SLC4A10: variants seen among roughly 807,000 people sequenced by gnomAD.
SLC4A10 encodes the protein solute carrier family 4 member 10, also known as sodium-driven chloride bicarbonate exchanger.
In SLC4A10, 42 loss-of-function variants were observed where a neutral mutation model predicts 137.7. The ratio of observed to expected loss-of-function variants is 0.30; its 90% CI spans 0.24 to 0.39. The LOEUF is 0.39. SLC4A10 is among the 10% of genes least tolerant of loss of function. The pLI, the probability that SLC4A10 is intolerant of heterozygous loss-of-function variation, is 1.00. For synonymous variants in SLC4A10, 474 were observed against 464.1 expected (o/e 1.02, Z -0.27); for missense variants, 925 against 1,355.0 (o/e 0.68, Z 4.98).
intron 3 of SLC4A10, among the ~76,000 whole-genome samples, chr2:161,832,631 T>C (rs565982416): frequency 3.3e-5 from 5 of 152,340 alleles, no homozygotes; most frequent in African/African-American, 1.2e-4. Flanking sequence ...AGTCTGGCAG[T>C]AGTCTCAGGT....
intron 1 of SLC4A10, among the ~76,000 whole-genome samples, chr2:161,709,130 A>T (rs2044013915): frequency 6.6e-6 from 1 of 151,318 alleles, no homozygotes; most frequent in Admixed American, 6.6e-5. Flanking sequence ...GGCACTTCAG[A>T]TTTTTCCAGA....
At chr2:161,627,258 C>T (rs889877211) in intron 1 of SLC4A10, among the ~76,000 whole-genome samples, 5 of 152,102 alleles carry the variant, frequency 3.3e-5, no homozygotes, top group Middle Eastern at 3.4e-3. Flanking sequence ...CTTGTCAGTA[C>T]TTTCTACCAA....
intron 21 of SLC4A10, among the ~76,000 whole-genome samples, chr2:161,963,101 A>T (rs1295326424): frequency 1.3e-5 from 2 of 152,136 alleles, no homozygotes; most frequent in Non-Finnish European, 2.9e-5. Context: ...TGGCCGAAGA[A>T]CAATAAACCA....
chr2:161,872,555 T>C (rs1003624059), intron 7 of SLC4A10, among the ~76,000 whole-genome samples, 171 bp downstream of exon 7: 13 of 21,184 alleles, frequency 6.1e-4, no homozygotes, highest in Admixed American at 4.7e-3. Context: ...ATTTTGCCTA[T>C]TCAAAAAAAA....
At chr2:161,864,662 A>G (rs1163645301) in intron 6 of SLC4A10, among the ~76,000 whole-genome samples, 5 of 152,180 alleles carry the variant, frequency 3.3e-5, no homozygotes, top group Non-Finnish European at 5.9e-5. Context: ...CTTTATGGTG[A>G]ATACCAACTT....
chr2:161,698,873 A>C lies in SLC4A10; in HGVS notation c.49-72100A>C, dbSNP rs189509871. 7.9e-5 allele frequency among the ~76,000 whole-genome samples: 12 copies of C among 152,292 alleles called. No homozygotes were observed. In the East Asian group the frequency reaches 2.3e-3, roughly 29 times the overall value. On this transcript the variant is annotated intron_variant, in intron 1 of 26. Coordinates refer to ENST00000446997, the MANE Select transcript of SLC4A10 (RefSeq NM_001178015.2). ...TTTTCATATTGATTGGAGTAGTTTC[A>C]GAAGGAATGGTAGCAGCTCCTCCTT...
At chr2:161,870,583 G>A (rs1478539115) in intron 6 of SLC4A10, among the ~76,000 whole-genome samples, 1 of 151,848 alleles carries the variant, frequency 6.6e-6, no homozygotes, top group Non-Finnish European at 1.5e-5. Flanking sequence ...ATGGAGAAAT[G>A]ATGTGAAACT....
At chr2:161,977,782 C>T (rs1699615873) in intron 26 of SLC4A10, 22 bp downstream of exon 26, 1 of 1,566,710 alleles carries the variant, frequency 6.4e-7, no homozygotes, top group Non-Finnish European at 8.6e-7. Flanking sequence ...TCCCTCAAAT[C>T]TATTCCTTGG....
chr2:161,732,525 T>C (rs1297316398), intron 1 of SLC4A10, among the ~76,000 whole-genome samples: 4 of 152,214 alleles, frequency 2.6e-5, no homozygotes, highest in Non-Finnish European at 4.4e-5. Flanking sequence ...TAGATTTCCA[T>C]TCAGTCACTA....
At chr2:161,784,140 G>A (rs2053364772) in intron 2 of SLC4A10, among the ~76,000 whole-genome samples, 1 of 151,780 alleles carries the variant, frequency 6.6e-6, no homozygotes, top group Admixed American at 6.6e-5. Context: ...AAAAGACTGA[G>A]AAAGACATCT....
intron 10 of SLC4A10, among the ~76,000 whole-genome samples, chr2:161,886,404 T>C (rs2062288958): frequency 6.6e-6 from 1 of 152,130 alleles, no homozygotes; most frequent in South Asian, 2.1e-4. Flanking sequence ...TTTAAAGAAG[T>C]GTTGGTTCAA....
chr2:161,738,345 G>T (rs979158392), intron 1 of SLC4A10, among the ~76,000 whole-genome samples: 1 of 152,160 alleles, frequency 6.6e-6, no homozygotes, highest in African/African-American at 2.4e-5. Flanking sequence ...TTAACAAATT[G>T]GGCAGGCCTC....
At chr2:161,744,485 A>G (rs1267508437) in intron 1 of SLC4A10, among the ~76,000 whole-genome samples, 1 of 152,138 alleles carries the variant, frequency 6.6e-6, no homozygotes, top group Non-Finnish European at 1.5e-5. Flanking sequence ...ATAAATACCA[A>G]TTGGTCATGA....
chr2:161,845,761 G>A (rs1293837699), intron 4 of SLC4A10, among the ~76,000 whole-genome samples: 1 of 151,964 alleles, frequency 6.6e-6, no homozygotes, highest in Non-Finnish European at 1.5e-5. Flanking sequence ...TAATGTTGGA[G>A]CAATTAGACA....
At chr2:161,791,433 ATGAGAGGAAACAACACACAC>A (rs2054195823) in intron 2 of SLC4A10, among the ~76,000 whole-genome samples, 1 of 152,164 alleles carries the variant, frequency 6.6e-6, no homozygotes, top group East Asian at 1.9e-4. Flanking sequence ...ACATGGACAC[ATGAGAGGAAACAACACACAC>A]TGAGGCCTGT....
intron 1 of SLC4A10, among the ~76,000 whole-genome samples, chr2:161,626,752 C>G (rs1013554422): frequency 2.6e-5 from 4 of 152,084 alleles, no homozygotes; most frequent in African/African-American, 9.7e-5. Context: ...GTGATGAAAC[C>G]AGGACTAGAA....
intron 10 of SLC4A10, among the ~76,000 whole-genome samples, chr2:161,893,673 C>T (rs1399145110): frequency 2.0e-5 from 3 of 151,816 alleles, no homozygotes; most frequent in African/African-American, 4.8e-5. Flanking sequence ...GCATTCCAGC[C>T]TGCATGACAG....
intron 15 of SLC4A10, among the ~76,000 whole-genome samples, chr2:161,918,997 A>G (rs1446127661): frequency 6.6e-6 from 1 of 152,110 alleles, no homozygotes; most frequent in Admixed American, 6.5e-5. Flanking sequence ...CCCTCCCCCC[A>G]TAGGTTTGGA....
In SLC4A10 at chr2:161,751,731, CTT is replaced by C. The variant is rs1308202446; in HGVS notation, c.49-19239_49-19238del. Among the ~76,000 whole-genome samples, 7 of 151,740 alleles carry C rather than the reference CTT, an allele frequency of 4.6e-5. No individual in the cohort carries two copies. The East Asian group carries it at 1.2e-3, about 25-fold the overall frequency. On this transcript the variant is annotated intron_variant, in intron 1 of 26. Coordinates refer to ENST00000446997, the MANE Select transcript of SLC4A10 (RefSeq NM_001178015.2). ...AATGCCTTTTTAATTAATCTAATCT[CTT>C]TTGATTCTGTAGAAAAATGTCGTTA...
Sources: allele counts gnomAD v4.1 joint callset (sites outside exome capture counted in the v4.1 genomes callset), GRCh38; gene constraint gnomAD v4.1.1; transcripts MANE v1.5; gene names NCBI Gene and HGNC (gene_info 2026-07-23, HGNC 2026-07-21).